The following DLG2 variants were observed in gnomAD, a reference collection of about 807,000 sequenced individuals.
The protein encoded by DLG2 is disks large homolog 2.
DLG2 carries 45 observed loss-of-function variants against 132.5 expected under a neutral mutation model. That is an observed-to-expected ratio of 0.34 (90% CI 0.27 to 0.44). The LOEUF is 0.44. DLG2 is among the 20% of genes least tolerant of loss of function. The pLI, the probability that DLG2 is intolerant of heterozygous loss-of-function variation, is 1.00. For missense variants in DLG2, 1,045 were observed against 1,196.9 expected (o/e 0.87, Z 1.87); for synonymous variants, 424 against 419.6 (o/e 1.01, Z -0.13).
intron 6 of DLG2, among the ~76,000 whole-genome samples, chr11:84,596,261 G>A (rs1256285652): frequency 6.6e-6 from 1 of 151,478 alleles, no homozygotes; most frequent in Non-Finnish European, 1.5e-5. Flanking sequence ...AGGTTGGAGT[G>A]CAGTGGTGCA....
intron 6 of DLG2, among the ~76,000 whole-genome samples, chr11:84,789,756 C>T (rs1339385022): frequency 5.3e-5 from 8 of 152,026 alleles, no homozygotes; most frequent in Admixed American, 4.6e-4. Flanking sequence ...GGTAACTATC[C>T]TTCTAATCTC....
intron 18 of DLG2, among the ~76,000 whole-genome samples, chr11:83,655,647 A>G (rs2072149815): frequency 6.6e-6 from 1 of 152,236 alleles, no homozygotes; most frequent in African/African-American, 2.4e-5. Flanking sequence ...ATTTGATTTT[A>G]TCATTTACAT....
chr11:85,082,431 C>A (rs184805715), intron 6 of DLG2, among the ~76,000 whole-genome samples: 1 of 152,092 alleles, frequency 6.6e-6, no homozygotes, highest in Non-Finnish European at 1.5e-5. Context: ...CCTCCCAAAG[C>A]CAACAAGGTT....
At chr11:85,074,814 T>C (rs1212828161) in intron 6 of DLG2, among the ~76,000 whole-genome samples, 1 of 151,872 alleles carries the variant, frequency 6.6e-6, no homozygotes, top group Non-Finnish European at 1.5e-5. Flanking sequence ...CCCTAGTACA[T>C]GCATGAAAAA....
At chr11:84,201,556 G>A (rs890518150) in intron 8 of DLG2, among the ~76,000 whole-genome samples, 9 of 146,396 alleles carry the variant, frequency 6.1e-5, no homozygotes, top group African/African-American at 1.8e-4. Flanking sequence ...GTAGAATTTA[G>A]CTGTTTATAT....
intron 15 of DLG2, among the ~76,000 whole-genome samples, chr11:83,903,114 A>T (rs896417960): frequency 5.3e-5 from 8 of 152,146 alleles, no homozygotes; most frequent in African/African-American, 1.9e-4. Flanking sequence ...GCTCAATAAC[A>T]GGTATTGATT....
chr11:84,742,251 TC>T (rs2064780219), intron 6 of DLG2, among the ~76,000 whole-genome samples: 1 of 152,124 alleles, frequency 6.6e-6, no homozygotes, highest in South Asian at 2.1e-4. Flanking sequence ...GCTGAAAACT[TC>T]TCAAGACTTG....
intron 6 of DLG2, among the ~76,000 whole-genome samples, chr11:84,694,850 G>C (rs1438420942): frequency 6.6e-6 from 1 of 151,472 alleles, no homozygotes; most frequent in Non-Finnish European, 1.5e-5. Flanking sequence ...GAAACTCCAG[G>C]AGAGCAGATG....
chr11:85,273,659 A>G (rs1402419012), intron 4 of DLG2, among the ~76,000 whole-genome samples: 1 of 152,214 alleles, frequency 6.6e-6, no homozygotes, highest in East Asian at 1.9e-4. Flanking sequence ...TGTTGGTGGG[A>G]CTGTAAACTA....
Position 83,491,684 on chromosome 11 carries a change from G to C in DLG2, c.2194-7456C>G, listed in dbSNP as rs180838827. On this transcript the variant is annotated intron_variant, in intron 21 of 27. Transcript: ENST00000376104. ...ATGACTCTAATGCATATAGTAAGTAGGATGTTTTCCTTAACGTTGAGGCCC... is the reference window on the plus strand; with the variant it reads ...ATGACTCTAATGCATATAGTAAGTACGATGTTTTCCTTAACGTTGAGGCCC... 1.2e-4 allele frequency among the ~76,000 whole-genome samples: 18 copies of C among 152,026 alleles called. No homozygotes were observed. The East Asian group carries it at 3.3e-3, about 28-fold the overall frequency.
intron 7 of DLG2, among the ~76,000 whole-genome samples, chr11:84,393,010 C>A (rs1244569463): frequency 6.6e-6 from 1 of 152,120 alleles, no homozygotes; most frequent in African/African-American, 2.4e-5. Flanking sequence ...GACATTGGTA[C>A]TCATGCATTT....
intron 5 of DLG2, among the ~76,000 whole-genome samples, chr11:85,116,544 T>C (rs548096259): frequency 6.6e-6 from 1 of 152,104 alleles, no homozygotes; most frequent in African/African-American, 2.4e-5. Flanking sequence ...ATTAAAAAAT[T>C]ATTCTGGCAA....
intron 17 of DLG2, among the ~76,000 whole-genome samples, chr11:83,828,859 T>A (rs1454651193): frequency 1.3e-5 from 2 of 151,568 alleles, no homozygotes; most frequent in Non-Finnish European, 2.9e-5. Context: ...TCAGTGTGTG[T>A]GTATATATAT....
chr11:84,110,119 T>C (rs889974490), intron 9 of DLG2, among the ~76,000 whole-genome samples: 7 of 152,120 alleles, frequency 4.6e-5, no homozygotes, highest in African/African-American at 1.7e-4. Context: ...CAAACTCCAA[T>C]GCCTATGAAG....
intron 7 of DLG2, among the ~76,000 whole-genome samples, chr11:84,375,188 T>A (rs989369917): frequency 6.6e-6 from 1 of 152,180 alleles, no homozygotes; most frequent in African/African-American, 2.4e-5. Flanking sequence ...ATTAACTGAT[T>A]ATGTGAATAA....
chr11:83,614,042 A>G (rs1275312078), intron 19 of DLG2, among the ~76,000 whole-genome samples: 1 of 152,202 alleles, frequency 6.6e-6, no homozygotes, highest in Admixed American at 6.5e-5. Context: ...CTGGAAAGAA[A>G]GCCAGTGTGA....
intron 6 of DLG2, among the ~76,000 whole-genome samples, chr11:85,109,181 G>A (rs1456008812): frequency 6.6e-6 from 1 of 152,084 alleles, no homozygotes; most frequent in Non-Finnish European, 1.5e-5. Flanking sequence ...TCTGTGGACT[G>A]GGGGTTCTCT....
At chr11:84,413,132 T>A (rs1196117794) in intron 7 of DLG2, among the ~76,000 whole-genome samples, 1 of 152,146 alleles carries the variant, frequency 6.6e-6, no homozygotes, top group African/African-American at 2.4e-5. Context: ...CACTGTCTCA[T>A]TCACTGGATC....
intron 6 of DLG2, chr11:84,955,673 C>A (rs1050758956): frequency 6.6e-6 from 1 of 152,092 alleles, no homozygotes; most frequent in Non-Finnish European, 1.5e-5. Flanking sequence ...ATATAAATAT[C>A]CTGTGCTTTC....
Sources: allele counts gnomAD v4.1 joint callset (sites outside exome capture counted in the v4.1 genomes callset), GRCh38; gene constraint gnomAD v4.1.1; transcripts MANE v1.5; gene names NCBI Gene and HGNC (gene_info 2026-07-23, HGNC 2026-07-21).